DYDC1: variants seen among roughly 807,000 people sequenced by gnomAD.
The protein encoded by DYDC1 is DPY30 domain containing 1.
In DYDC1, 21 loss-of-function variants were observed where a neutral mutation model predicts 27.9. The observed-to-expected ratio is 0.75, with a 90% CI of 0.53 to 1.08. DYDC1 has a LOEUF of 1.08. Ranked by LOEUF, DYDC1 falls within the 50% of genes least tolerant of loss-of-function variation. The pLI is 0.00. For missense variants in DYDC1, 202 were observed against 205.9 expected (o/e 0.98, Z 0.12); for synonymous variants, 67 against 65.8 (o/e 1.02, Z -0.09).
At chr10:80,344,797 T>C in intron 3 of DYDC1, 3 of 288,138 alleles carry the variant, frequency 1.0e-5, no homozygotes, top group South Asian at 7.0e-5. Flanking sequence ...TTCTGAGACC[T>C]CCCCAGCAAT....
At chr10:80,356,179 T>C in intron 1 of DYDC1, 1 of 931,692 alleles carries the variant, frequency 1.1e-6, no homozygotes, top group Middle Eastern at 5.5e-4. Context: ...CCAACTCCCT[T>C]AGCATGTTCC....
In DYDC1 at chr10:80,342,343, G is replaced by C. The variant is rs768490924; in HGVS notation, c.268C>G (p.Leu90Val). 1 of 1,613,496 alleles carries C rather than the reference G, an allele frequency of 6.2e-7. No individual in the cohort carries two copies. Among genetic ancestry groups the C allele is most frequent in the African/African-American group, 1.3e-5 (1 of 75,050 alleles). Residue 90 changes from leucine (L) to valine (V), a missense_variant, in exon 4 of 7, where the codon CTA (leucine) becomes GTA (valine). Leu to Val is a conservative substitution (Grantham distance 32). Coordinates refer to ENST00000372202, the MANE Select transcript of DYDC1 (RefSeq NM_001269053.2). ...TCCTTTTCTTGCATTTCCAACTCTA[G>C]CTGCAATGCCAGCTGTTGCTGAATA... ...LLQQQQLALQ[L>V]ELEMQEKERQ...
At chr10:80,342,510 T>G in intron 3 of DYDC1, 149 bp from the exon 4 acceptor site, 1 of 624,410 alleles carries the variant, frequency 1.6e-6, no homozygotes, top group Non-Finnish European at 2.5e-6. Context: ...CATAAAATTT[T>G]TAAAAAAGAT....
intron 5 of DYDC1, 75 bp from the exon 6 acceptor site, chr10:80,338,646 A>C (rs1170056849): frequency 2.2e-6 from 3 of 1,376,012 alleles, no homozygotes; most frequent in East Asian, 5.6e-5. Context: ...AATTTTGATT[A>C]AAAATTTTCT....
chr10:80,356,400 G>T (rs962996948), intron 1 of DYDC1: 2 of 985,514 alleles, frequency 2.0e-6, no homozygotes, highest in African/African-American at 1.7e-5. Flanking sequence ...CTGGGCGGGG[G>T]CACCCGGGCA....
intron 6 of DYDC1, 100 bp from the exon 7 acceptor site, chr10:80,336,285 A>C: frequency 7.1e-7 from 1 of 1,418,404 alleles, no homozygotes. Flanking sequence ...ATGTGACTAC[A>C]TGAATGAAAC....
chr10:80,346,783 A>G (rs1205585712), intron 3 of DYDC1, among the ~76,000 whole-genome samples: 1 of 151,836 alleles, frequency 6.6e-6, no homozygotes, highest in Non-Finnish European at 1.5e-5. Flanking sequence ...TTCTGATAAC[A>G]GCCATCTTAG....
Position 80,351,955 on chromosome 10 carries a change from C to T in DYDC1, c.195G>A (p.Leu65=). 4.3e-6 allele frequency: 7 copies of T among 1,614,166 alleles called. No individual in the cohort carries two copies. Among genetic ancestry groups the T allele is most frequent in the Non-Finnish European group, 5.9e-6 (7 of 1,180,040 alleles). Residue 65 remains leucine, a synonymous_variant, in exon 3 of 7, where the codon CTG becomes CTA. Coordinates refer to ENST00000372202, the MANE Select transcript of DYDC1 (RefSeq NM_001269053.2). ...AKLERERELA[L]MEQEMMERLK... is the part of the protein sequence containing the mutation. Reference sequence around the variant, plus strand: ...GCCTCTCCATCATTTCCTGCTCCATCAGAGCTAATTCTCTTTCACGCTCCA... The same window carrying T: ...GCCTCTCCATCATTTCCTGCTCCATTAGAGCTAATTCTCTTTCACGCTCCA...
intron 1 of DYDC1, among the ~76,000 whole-genome samples, chr10:80,355,677 CAG>C (rs956593488): frequency 1.7e-4 from 26 of 152,156 alleles, no homozygotes; most frequent in African/African-American, 6.3e-4. Context: ...CTCTAAGACA[CAG>C]AATAAAGAAA....
At position 80,352,440 on chromosome 10, in the gene DYDC1, G is replaced by A. The variant is rs1843052544; in HGVS notation, c.147+15C>T. 1.3e-6 allele frequency: 2 copies of A among 1,559,952 alleles called. No homozygotes were observed. The highest frequency in any genetic ancestry group is 1.7e-6 in the Non-Finnish European group (2 of 1,157,624). ...TTTTTTTCTTCTAATTTCCTAGAAG[G>A]AGATTCCTACTTACCAGTTGTTCCA... On this transcript the variant is annotated intron_variant, in intron 2 of 6. Coordinates refer to ENST00000372202, the MANE Select transcript of DYDC1 (RefSeq NM_001269053.2).
At chr10:80,343,654 G>A (rs1842443429) in intron 3 of DYDC1, among the ~76,000 whole-genome samples, 1 of 151,700 alleles carries the variant, frequency 6.6e-6, no homozygotes. Flanking sequence ...AATTTTGAAT[G>A]TCGCACTTTT....
intron 5 of DYDC1, 114 bp from the exon 6 acceptor site, chr10:80,338,685 T>C (rs1000877993): frequency 4.5e-6 from 5 of 1,122,456 alleles, no homozygotes; most frequent in Non-Finnish European, 5.8e-6. Context: ...TCAACATTAT[T>C]AATTAGTGGA....
chr10:80,347,607 T>C (rs1214304100), intron 3 of DYDC1, among the ~76,000 whole-genome samples: 1 of 152,232 alleles, frequency 6.6e-6, no homozygotes, highest in East Asian at 1.9e-4. Context: ...AGGTCTTTAA[T>C]CTATTTTGAA....
intron 3 of DYDC1, among the ~76,000 whole-genome samples, chr10:80,343,821 CA>C (rs1339274657): frequency 1.3e-5 from 2 of 151,338 alleles, no homozygotes; most frequent in Non-Finnish European, 2.9e-5. Context: ...GCACAAAGGC[CA>C]AAAAAAATTA....
intron 3 of DYDC1, among the ~76,000 whole-genome samples, chr10:80,346,634 G>A (rs1242821327): frequency 1.3e-5 from 2 of 150,412 alleles, no homozygotes; most frequent in African/African-American, 4.9e-5. Context: ...CTAATTTTTT[G>A]TATTTTTAGT....
chr10:80,350,076 C>T (rs973886319), intron 3 of DYDC1, among the ~76,000 whole-genome samples: 1 of 152,164 alleles, frequency 6.6e-6, no homozygotes, highest in African/African-American at 2.4e-5. Context: ...CACACTCTCT[C>T]AAGCCTTTCT....
At chr10:80,338,882 T>C (rs1041880134) in intron 5 of DYDC1, among the ~76,000 whole-genome samples, 1 of 152,192 alleles carries the variant, frequency 6.6e-6, no homozygotes, top group South Asian at 2.1e-4. Context: ...TTTTTAAAAA[T>C]CCAAACACAA....
At chr10:80,349,677 C>T (rs1842874829) in intron 3 of DYDC1, among the ~76,000 whole-genome samples, 4 of 152,140 alleles carry the variant, frequency 2.6e-5, no homozygotes. Flanking sequence ...ACTCCAATCT[C>T]TCAACAATAA....
chr10:80,342,323 T>C lies in DYDC1; in HGVS notation c.288A>G (p.Glu96=), dbSNP rs779522482. 1.2e-6 allele frequency: 2 copies of C among 1,613,824 alleles called. No individual in the cohort carries two copies. The highest frequency in any genetic ancestry group is 2.7e-5 in the African/African-American group (2 of 74,948). Residue 96 remains glutamate (E), a synonymous_variant, in exon 4 of 7, where the codon GAA becomes GAG. Coordinates refer to ENST00000372202, the MANE Select transcript of DYDC1 (RefSeq NM_001269053.2). The stretch of plus-strand genomic sequence containing the variant: ...GTTCTTGTATTCTCTGCCTCTCCTT[T>C]TCTTGCATTTCCAACTCTAGCTGCA... ...LALQLELEMQ[E]KERQRIQELQ...
Sources: gnomAD v4.1 joint callset for allele counts (sites outside exome capture counted in the v4.1 genomes callset) on GRCh38, gnomAD v4.1.1 for gene constraint, MANE v1.5 for transcripts, NCBI Gene and HGNC (gene_info 2026-07-23, HGNC 2026-07-21) for gene names.